Variants in LRRFIP2 observed in about 807,000 individuals in gnomAD.
The protein encoded by LRRFIP2 is leucine-rich repeat flightless-interacting protein 2.
LRRFIP2 carries 109 observed loss-of-function variants against 125.9 expected under a neutral mutation model. That is an observed-to-expected ratio of 0.87 (90% CI 0.74 to 1.01). The LOEUF (loss-of-function observed/expected upper bound fraction) is 1.01, where lower values mean the gene tolerates loss of function less well. Ranked by LOEUF, LRRFIP2 falls within the 50% of genes least tolerant of loss-of-function variation. The pLI, the probability that LRRFIP2 is intolerant of heterozygous loss-of-function variation, is 0.00. For missense variants in LRRFIP2, 850 were observed against 862.3 expected (o/e 0.99, Z 0.18); for synonymous variants, 291 against 293.1 (o/e 0.99, Z 0.07).
intron 14 of LRRFIP2, among the ~76,000 whole-genome samples, chr3:37,104,076 G>A (rs1337272762): frequency 6.6e-6 from 1 of 151,992 alleles, no homozygotes; most frequent in Admixed American, 6.6e-5. Context: ...CAAGTATGAA[G>A]TTTTGCTAAG....
intron 19 of LRRFIP2, among the ~76,000 whole-genome samples, chr3:37,081,218 G>C (rs2092612958): frequency 6.6e-6 from 1 of 152,094 alleles, no homozygotes. Flanking sequence ...CTCCAGCCTG[G>C]GGAGCAGAGC....
chr3:37,066,137 T>C, intron 22 of LRRFIP2, 87 bp downstream of exon 22: 1 of 1,382,092 alleles, frequency 7.2e-7, no homozygotes, highest in Non-Finnish European at 1.0e-6. Flanking sequence ...AGTTTGTATT[T>C]AGGCTAGGAA....
chr3:37,076,238 T>G (rs529552413), intron 19 of LRRFIP2, among the ~76,000 whole-genome samples: 15 of 152,208 alleles, frequency 9.9e-5, no homozygotes, highest in African/African-American at 3.1e-4. Context: ...AAATAAAAAT[T>G]TTGGGCTGGG....
At chr3:37,078,418 C>T (rs2092319174) in intron 19 of LRRFIP2, among the ~76,000 whole-genome samples, 1 of 152,056 alleles carries the variant, frequency 6.6e-6, no homozygotes. Flanking sequence ...CTATTCTAGG[C>T]AACTTCGGAT....
chr3:37,150,124 G>T (rs546510667), intron 1 of LRRFIP2, among the ~76,000 whole-genome samples: 1 of 152,094 alleles, frequency 6.6e-6, no homozygotes, highest in Non-Finnish European at 1.5e-5. Context: ...TACTATAGGA[G>T]GTGCTAAAGG....
chr3:37,072,780 C>A lies in LRRFIP2; in HGVS notation c.1464+10G>T. 2 of 1,586,158 alleles carry A rather than the reference C, an allele frequency of 1.3e-6. No individual in the cohort carries two copies. Among genetic ancestry groups the A allele is most frequent in the Non-Finnish European group, 1.7e-6 (2 of 1,155,570 alleles). On this transcript the variant is annotated intron_variant, in intron 21 of 27. Coordinates refer to ENST00000336686, the MANE Select transcript of LRRFIP2 (RefSeq NM_006309.4). ...TGAGCTTCTAACCAAAGCCCAATTT[C>A]ATTTCATACCCCAATTTTTTTATCT... is the stretch of plus-strand genomic sequence containing the variant.
At chr3:37,071,426 G>C (rs2091164109) in intron 21 of LRRFIP2, among the ~76,000 whole-genome samples, 1 of 152,030 alleles carries the variant, frequency 6.6e-6, no homozygotes, top group Admixed American at 6.6e-5. Context: ...TGCCCAAGCT[G>C]GTCTCAAGCT....
intron 1 of LRRFIP2, among the ~76,000 whole-genome samples, chr3:37,159,539 C>T (rs1027553649): frequency 2.6e-5 from 4 of 151,838 alleles, no homozygotes; most frequent in Non-Finnish European, 2.9e-5. Context: ...GACAGAGTCT[C>T]GCTGCTGGCC....
chr3:37,108,211 T>C, intron 12 of LRRFIP2, 82 bp from the exon 13 acceptor site: 1 of 1,107,480 alleles, frequency 9.0e-7, no homozygotes, highest in South Asian at 1.3e-5. Flanking sequence ...ACCATTTACC[T>C]AACTTGCCCC....
intron 2 of LRRFIP2, among the ~76,000 whole-genome samples, chr3:37,138,526 G>T (rs530841948): frequency 1.3e-5 from 2 of 152,134 alleles, no homozygotes; most frequent in Non-Finnish European, 2.9e-5. Context: ...ATTTCTTCAG[G>T]ATGTAGGTAC....
intron 15 of LRRFIP2, among the ~76,000 whole-genome samples, chr3:37,100,400 G>C (rs1487979315): frequency 6.6e-6 from 1 of 151,336 alleles, no homozygotes; most frequent in Admixed American, 6.6e-5. Context: ...ACATACATGT[G>C]TATGTATATA....
chr3:37,148,397 C>T (rs1322550872), intron 2 of LRRFIP2, among the ~76,000 whole-genome samples: 1 of 152,170 alleles, frequency 6.6e-6, no homozygotes, highest in African/African-American at 2.4e-5. Flanking sequence ...GGCAAGCCAG[C>T]TGCTGAAATG....
At chr3:37,115,122 G>T in intron 6 of LRRFIP2, 27 bp from the exon 7 acceptor site, 2 of 1,546,128 alleles carry the variant, frequency 1.3e-6, no homozygotes, top group East Asian at 2.3e-5. Flanking sequence ...CATGAAAGTT[G>T]GTTTGTTTCC....
intron 15 of LRRFIP2, among the ~76,000 whole-genome samples, chr3:37,099,609 A>C (rs1462957758): frequency 2.0e-5 from 3 of 152,356 alleles, no homozygotes; most frequent in Admixed American, 2.0e-4. Context: ...CAATTTTAAC[A>C]ATTTCCTAAA....
chr3:37,092,280 C>T (rs959580892), intron 17 of LRRFIP2, among the ~76,000 whole-genome samples: 5 of 152,082 alleles, frequency 3.3e-5, no homozygotes, highest in African/African-American at 4.8e-5. Flanking sequence ...GATTTATGTC[C>T]GAAATAACTG....
intron 2 of LRRFIP2, among the ~76,000 whole-genome samples, chr3:37,130,205 T>C (rs530372504): frequency 6.6e-6 from 1 of 152,216 alleles, no homozygotes; most frequent in African/African-American, 2.4e-5. Flanking sequence ...ACATTTCATA[T>C]ACATGGAATC....
At chr3:37,126,234 T>C (rs981547418) in intron 4 of LRRFIP2, among the ~76,000 whole-genome samples, 2 of 152,160 alleles carry the variant, frequency 1.3e-5, no homozygotes, top group African/African-American at 4.8e-5. Context: ...TTCACCATGT[T>C]GGCCAGGCTG....
Position 37,091,394 on chromosome 3 carries a change from G to C in LRRFIP2, c.1107+73C>G, listed in dbSNP as rs1314988159. 2.4e-6 allele frequency: 3 copies of C among 1,247,272 alleles called. No individual in the cohort carries two copies. The African/African-American group carries it at 4.5e-5, about 19-fold the overall frequency. The allele number at this position is 1,247,272 out of a possible 1,614,324, so 77.3% of individuals were successfully genotyped here. On this transcript the variant is annotated intron_variant, in intron 18 of 27. Coordinates refer to ENST00000336686, the MANE Select transcript of LRRFIP2 (RefSeq NM_006309.4). ...TAAAGCTATGTGCAGTTGGTTAACA[G>C]AACTTGCAAAGCCACCATTGCCAAC...
intron 27 of LRRFIP2, 64 bp downstream of exon 27, chr3:37,054,347 T>C: frequency 7.5e-7 from 1 of 1,331,104 alleles, no homozygotes; most frequent in Non-Finnish European, 1.1e-6. Context: ...CAGCTAAGAA[T>C]TATTTCCAGA....
Sources: gnomAD v4.1 joint callset for allele counts (sites outside exome capture counted in the v4.1 genomes callset) on GRCh38, gnomAD v4.1.1 for gene constraint, MANE v1.5 for transcripts, NCBI Gene and HGNC (gene_info 2026-07-23, HGNC 2026-07-21) for gene names.